Variants in DOK4 observed in about 807,000 individuals in gnomAD.
DOK4 encodes docking protein 4, also known as downstream of tyrosine kinase 4.
A neutral mutation model predicts 40.1 loss-of-function variants in DOK4; 26 were observed. The observed-to-expected ratio is 0.65, with a 90% CI of 0.48 to 0.90. DOK4 has a LOEUF of 0.90. Ranked by LOEUF, DOK4 falls within the 40% of genes least tolerant of loss-of-function variation. The pLI, the probability that DOK4 is intolerant of heterozygous loss-of-function variation, is 0.00. For missense variants in DOK4, 392 were observed against 437.2 expected (o/e 0.90, Z 0.92); for synonymous variants, 179 against 177.0 (o/e 1.01, Z -0.09).
At chr16:57,480,515 G>T in intron 1 of DOK4, 1 of 153,110 alleles carries the variant, frequency 6.5e-6, no homozygotes, top group East Asian at 1.9e-4. Flanking sequence ...CTGGGGTTGG[G>T]AACGCTGGCC....
intron 2 of DOK4, among the ~76,000 whole-genome samples, chr16:57,476,600 G>T (rs1454346581): frequency 6.6e-6 from 1 of 152,180 alleles, no homozygotes; most frequent in Non-Finnish European, 1.5e-5. Context: ...CCCCACTCTT[G>T]TCTCCTGGGG....
exon 9 of DOK4, chr16:57,472,544 G>C (rs1468720788): frequency 6.6e-6 from 1 of 152,668 alleles, no homozygotes; most frequent in Non-Finnish European, 1.5e-5. Flanking sequence ...CCCCTGGTCA[G>C]TGAGAGGGGG....
intron 2 of DOK4, among the ~76,000 whole-genome samples, chr16:57,477,443 T>C (rs1266224075): frequency 6.6e-6 from 1 of 152,224 alleles, no homozygotes; most frequent in Non-Finnish European, 1.5e-5. Flanking sequence ...TTAACAGCCA[T>C]GCTAAACAAG....
chr16:57,475,920 G>T, exon 3 of DOK4: 1 of 1,613,648 alleles, frequency 6.2e-7, no homozygotes, highest in Non-Finnish European at 8.5e-7. Context: ...CCCCTTGCTG[G>T]AGGATTTCCG....
Position 57,479,779 on chromosome 16 carries a change from A to C in DOK4, c.-181-91T>G, listed in dbSNP as rs1465825053. The C allele has an allele frequency of 2.5e-4, 82 of 328,520 alleles. No homozygotes were observed. The highest frequency in any genetic ancestry group is 4.7e-4 in the East Asian group (7 of 14,838). 20.4% of individuals were successfully genotyped at this position (328,520 alleles called of 1,614,324 possible). On this transcript the variant is annotated intron_variant, in intron 1 of 8. Coordinates refer to ENST00000340099, the Ensembl canonical transcript of DOK4. This position sits in a 1 kb window ranked among gnomAD's most constrained non-coding sequence, Gnocchi z 5.8. ...TCTCTTTTTTCCTTCCTCTTCCCAC[A>C]CTCCTCCTCTCTCCCTCTTCCCTCC...
At chr16:57,474,073 G>C in intron 6 of DOK4, 34 bp from the exon 7 acceptor site, 1 of 1,610,846 alleles carries the variant, frequency 6.2e-7, no homozygotes, top group East Asian at 2.2e-5. Flanking sequence ...AGATGGTGGG[G>C]ACCCACCACA....
rs763999252 is a variant in DOK4, at chr16:57,475,198, T to C, written c.311A>G (p.Tyr104Cys). The change falls in exon 5 of 9, where the codon TAC (tyrosine) becomes TGC (cysteine). Residue 104 changes from tyrosine to cysteine, a missense_variant. Tyr to Cys is a radical substitution (Grantham distance 194). Coordinates refer to ENST00000340099, the Ensembl canonical transcript of DOK4. ...CAGACACTCCACAGATAGTGTCTTG[T>C]ACCACTCCTCTGCCTCTAGCTCTGA... The C allele has an allele frequency of 4.2e-5, 67 of 1,613,854 alleles. No homozygotes were observed. In the East Asian group the frequency reaches 9.4e-4, roughly 23 times the overall value.
At chr16:57,478,555 AG>A (rs578193229) in intron 2 of DOK4, 2 of 152,260 alleles carry the variant, frequency 1.3e-5, no homozygotes, top group Admixed American at 6.5e-5. Flanking sequence ...TGTCTTTGGC[AG>A]GGGGGCCTGG....
intron 2 of DOK4, among the ~76,000 whole-genome samples, chr16:57,478,358 C>T (rs924826713): frequency 1.3e-4 from 11 of 83,562 alleles, no homozygotes; most frequent in African/African-American, 6.8e-4. Flanking sequence ...TCTCCCACTC[C>T]GCATGCCCCC....
rs2031175033 is a variant in DOK4, at chr16:57,476,178, CA to C, written c.67-222del. ...AAGTCATTGACTTCTTGGCTGGCTC[CA>C]AAACGCTGTTCCACAAAGGGTGCTC... On this transcript the variant is annotated intron_variant, in intron 2 of 8. Coordinates refer to ENST00000340099, the Ensembl canonical transcript of DOK4. 4 of 563,898 alleles carry C rather than the reference CA, an allele frequency of 7.1e-6. No individual in the cohort carries two copies. In the South Asian group the frequency reaches 8.0e-5, roughly 11 times the overall value. The allele number at this position is 563,898 out of a possible 1,614,324, so 34.9% of individuals were successfully genotyped here. A position where few individuals can be genotyped will look rare whatever the true frequency, so the allele number is the denominator to read the frequency against.
intron 2 of DOK4, among the ~76,000 whole-genome samples, chr16:57,478,958 C>T (rs1215388574): frequency 6.6e-5 from 10 of 152,008 alleles, no homozygotes; most frequent in African/African-American, 2.4e-4. Flanking sequence ...TATCTGCACA[C>T]GGAAAGCAGT....
Position 57,479,781 on chromosome 16 carries a change from T to C in DOK4, c.-181-93A>G, listed in dbSNP as rs1197042240. On this transcript the variant is annotated intron_variant, in intron 1 of 8. Transcript: ENST00000340099. This position sits in a 1 kb window ranked among gnomAD's most constrained non-coding sequence, Gnocchi z 5.8. The stretch of plus-strand genomic sequence containing the variant: ...TCTTTTTTCCTTCCTCTTCCCACAC[T>C]CCTCCTCTCTCCCTCTTCCCTCCCT... The C allele has an allele frequency of 5.5e-6, 2 of 361,470 alleles. No homozygotes were observed. The highest frequency in any genetic ancestry group is 1.0e-5 in the Non-Finnish European group (2 of 195,108). 22.4% of individuals were successfully genotyped at this position (361,470 alleles called of 1,614,324 possible).
intron 6 of DOK4, 33 bp downstream of exon 6, chr16:57,474,760 G>A (rs762859768): frequency 6.2e-7 from 1 of 1,606,864 alleles, no homozygotes; most frequent in Admixed American, 1.7e-5. Context: ...TCACACCATA[G>A]TAGGACAGGG....
chr16:57,483,619 G>C (rs116738708), intron 1 of DOK4, among the ~76,000 whole-genome samples: 1 of 152,112 alleles, frequency 6.6e-6, no homozygotes, highest in African/African-American at 2.4e-5. Context: ...GATAGAGTGA[G>C]ACTGTTTCTA....
chr16:57,479,562 C>T lies in DOK4; in HGVS notation c.-55G>A, dbSNP rs2031339132. ...CTGGCAGAGGCGAGGGGAAGGATGC[C>T]CAGGTGCCTGGGTCTCCGGCTCCTC... On this transcript the variant is annotated 5_prime_UTR_variant, in exon 2 of 9. Transcript: ENST00000340099. This position sits in a 1 kb window ranked among gnomAD's most constrained non-coding sequence, Gnocchi z 5.8. 6.3e-7 allele frequency: 1 copy of T among 1,598,846 alleles called. No homozygotes were observed. The highest frequency in any genetic ancestry group is 8.5e-7 in the Non-Finnish European group (1 of 1,170,120).
rs1246337022 is a variant in DOK4, at chr16:57,475,716, C to A, written c.175-96G>T. On this transcript the variant is annotated intron_variant, in intron 3 of 8. Coordinates refer to ENST00000340099, the Ensembl canonical transcript of DOK4. Reference sequence around the variant, plus strand: ...TCTCTCCCTCCCTCCCTCTCTCCCCCCTCCTCCTTCTCTCTCCTCCTCTCC... The same window carrying A: ...TCTCTCCCTCCCTCCCTCTCTCCCCACTCCTCCTTCTCTCTCCTCCTCTCC... 14 of 739,234 alleles carry A rather than the reference C, an allele frequency of 1.9e-5. No homozygotes were observed. The Admixed American group carries it at 2.0e-4, about 11-fold the overall frequency. 45.8% of individuals were successfully genotyped at this position (739,234 alleles called of 1,614,324 possible). A position where few individuals can be genotyped will look rare whatever the true frequency, so the allele number is the denominator to read the frequency against.
chr16:57,482,431 A>G (rs369344734), intron 1 of DOK4, among the ~76,000 whole-genome samples: 12 of 141,864 alleles, frequency 8.5e-5, no homozygotes, highest in African/African-American at 2.9e-4. Context: ...CAGTGGCCCA[A>G]TCTCGGCTCA....
intron 1 of DOK4, among the ~76,000 whole-genome samples, chr16:57,484,503 C>A (rs527268980): frequency 6.6e-6 from 1 of 152,256 alleles, no homozygotes; most frequent in East Asian, 1.9e-4. Flanking sequence ...GACCAAATAC[C>A]CATCTAGGCA....
At chr16:57,484,485 C>A (rs1228925236) in intron 1 of DOK4, among the ~76,000 whole-genome samples, 1 of 152,170 alleles carries the variant, frequency 6.6e-6, no homozygotes, top group Non-Finnish European at 1.5e-5. Context: ...AGGTGGATGG[C>A]AAAGACAGAC....
Sources: gnomAD v4.1 joint callset for allele counts (sites outside exome capture counted in the v4.1 genomes callset) on GRCh38, gnomAD v4.1.1 for gene constraint, Gnocchi (gnomAD v3.1) non-coding constraint, MANE v1.5 for transcripts, NCBI Gene and HGNC (gene_info 2026-07-23, HGNC 2026-07-21) for gene names.